BMPR1B: variants seen among roughly 807,000 people sequenced by gnomAD.
The protein encoded by BMPR1B is bone morphogenetic protein receptor type 1B, also known as bone morphogenetic protein receptor type-1B.
Under a neutral mutation model 59.1 loss-of-function variants are expected in BMPR1B, and 12 were observed. The observed-to-expected ratio is 0.20, with a 90% CI of 0.13 to 0.33. BMPR1B has a LOEUF of 0.33. Ranked by LOEUF, BMPR1B falls within the 10% of genes least tolerant of loss-of-function variation. BMPR1B has a pLI of 1.00. For synonymous variants in BMPR1B, 237 were observed against 207.3 expected, an observed-to-expected ratio of 1.14 and a Z score of -1.23; for missense variants, 550 against 610.9, an observed-to-expected ratio of 0.90 and a Z score of 1.05.
intron 1 of BMPR1B, among the ~76,000 whole-genome samples, chr4:94,859,107 G>T (rs567119215): frequency 2.0e-5 from 3 of 152,064 alleles, no homozygotes; most frequent in African/African-American, 7.2e-5. Context: ...TGCCTTTTTT[G>T]AAGAATTTGA....
chr4:95,098,161 G>A (rs985362870), intron 3 of BMPR1B, among the ~76,000 whole-genome samples: 2 of 151,894 alleles, frequency 1.3e-5, no homozygotes, highest in African/African-American at 4.8e-5. Flanking sequence ...CTTCATTATT[G>A]CTAATCCACT....
intron 3 of BMPR1B, among the ~76,000 whole-genome samples, chr4:95,035,166 T>C (rs750337740): frequency 2.6e-5 from 4 of 152,198 alleles, no homozygotes; most frequent in Non-Finnish European, 5.9e-5. Context: ...TTCATGTAGA[T>C]TCTGGATGTT....
chr4:95,004,782 T>C (rs1722706897), intron 3 of BMPR1B, among the ~76,000 whole-genome samples: 2 of 152,208 alleles, frequency 1.3e-5, no homozygotes, highest in South Asian at 2.1e-4. Flanking sequence ...TTTTGGCAAA[T>C]TGATCTTGAC....
intron 1 of BMPR1B, among the ~76,000 whole-genome samples, chr4:94,826,059 T>A (rs1451151550): frequency 1.3e-5 from 2 of 152,188 alleles, no homozygotes; most frequent in Non-Finnish European, 2.9e-5. Flanking sequence ...AATTTTAAAA[T>A]CATTTCCTCA....
chr4:95,007,917 ATTTAATATTAAGAAAATTT>A (rs1272419225), intron 3 of BMPR1B, among the ~76,000 whole-genome samples: 1 of 152,176 alleles, frequency 6.6e-6, no homozygotes, highest in Non-Finnish European at 1.5e-5. Flanking sequence ...TGAGAGTGTT[ATTTAATATTAAGAAAATTT>A]TATAAATTTA....
chr4:94,935,388 C>T lies in BMPR1B; in HGVS notation c.-113+59488C>T, dbSNP rs1021838346. Reference sequence around the variant, plus strand: ...GTGAACTTGGAAGCACTCATTAGACCACCAAATATGTGTTGTGCACATGCC... The same window carrying T: ...GTGAACTTGGAAGCACTCATTAGACTACCAAATATGTGTTGTGCACATGCC... On this transcript the variant is annotated intron_variant, in intron 2 of 12. Transcript: ENST00000515059. Among the ~76,000 whole-genome samples, 5 of 151,994 alleles carry T rather than the reference C, an allele frequency of 3.3e-5. No individual in the cohort carries two copies. The East Asian group carries it at 9.6e-4, about 29-fold the overall frequency.
At chr4:94,819,353 A>G (rs948511414) in intron 1 of BMPR1B, among the ~76,000 whole-genome samples, 1 of 152,198 alleles carries the variant, frequency 6.6e-6, no homozygotes, top group African/African-American at 2.4e-5. Flanking sequence ...GTGCTGTGAT[A>G]CCAATATAAG....
At chr4:95,147,115 G>T (rs541727064) in intron 10 of BMPR1B, among the ~76,000 whole-genome samples, 4 of 151,800 alleles carry the variant, frequency 2.6e-5, no homozygotes, top group African/African-American at 4.8e-5. Context: ...TTTTATTTAA[G>T]AAAACAGGCT....
intron 2 of BMPR1B, among the ~76,000 whole-genome samples, chr4:94,965,307 C>T (rs377093451): frequency 1.3e-5 from 2 of 152,158 alleles, no homozygotes; most frequent in African/African-American, 4.8e-5. Flanking sequence ...CTACAGAGTT[C>T]TCATCTCATA....
intron 1 of BMPR1B, among the ~76,000 whole-genome samples, chr4:94,791,231 C>T (rs1185123514): frequency 6.6e-6 from 1 of 152,146 alleles, no homozygotes; most frequent in Non-Finnish European, 1.5e-5. Context: ...TCAAGTGATC[C>T]ACCTGCCTTG....
At chr4:94,816,197 A>C (rs191839710) in intron 1 of BMPR1B, among the ~76,000 whole-genome samples, 2 of 152,164 alleles carry the variant, frequency 1.3e-5, no homozygotes, top group Non-Finnish European at 2.9e-5. Flanking sequence ...ACTAGGCTGG[A>C]GTGCAGTGGC....
chr4:94,859,131 C>G (rs529467460), intron 1 of BMPR1B, among the ~76,000 whole-genome samples: 1 of 152,212 alleles, frequency 6.6e-6, no homozygotes, highest in East Asian at 1.9e-4. Flanking sequence ...GTTGTCCCAT[C>G]AGACTGTCTA....
intron 2 of BMPR1B, among the ~76,000 whole-genome samples, chr4:94,907,848 T>A (rs1269457217): frequency 6.6e-6 from 1 of 150,798 alleles, no homozygotes; most frequent in Non-Finnish European, 1.5e-5. Flanking sequence ...AGTAGTAAAA[T>A]GAATATGAAT....
rs556380960 is a variant in BMPR1B, at chr4:94,872,334, C to T, written c.-182-3497C>T. On this transcript the variant is annotated intron_variant, in intron 1 of 12. Coordinates refer to ENST00000515059, the MANE Select transcript of BMPR1B (RefSeq NM_001203.3). ...AAACTGGTTTTAAATACCCTCTAAA[C>T]ATATAAAAATATTTTCAAAGTCACT... Among the ~76,000 whole-genome samples the T allele has an allele frequency of 2.0e-5, 3 of 152,252 alleles. No individual in the cohort carries two copies. In the South Asian group the frequency reaches 6.2e-4, roughly 32 times the overall value.
At chr4:95,019,289 G>C (rs1296488979) in intron 3 of BMPR1B, among the ~76,000 whole-genome samples, 1 of 152,178 alleles carries the variant, frequency 6.6e-6, no homozygotes, top group Admixed American at 6.5e-5. Context: ...TTAAATAGGG[G>C]CATTTAATTT....
chr4:94,995,404 T>A (rs1227606243), intron 2 of BMPR1B, among the ~76,000 whole-genome samples: 1 of 152,180 alleles, frequency 6.6e-6, no homozygotes, highest in Non-Finnish European at 1.5e-5. Flanking sequence ...TTGTGACCAA[T>A]TACTTAGTCA....
At chr4:95,059,099 G>GA (rs1313981921) in intron 3 of BMPR1B, among the ~76,000 whole-genome samples, 5 of 152,090 alleles carry the variant, frequency 3.3e-5, no homozygotes, top group Non-Finnish European at 4.4e-5. Context: ...CTCTTTGGGG[G>GA]AATAGTTGAG....
intron 6 of BMPR1B, among the ~76,000 whole-genome samples, chr4:95,123,395 G>GT (rs1303658932): frequency 6.6e-6 from 1 of 151,964 alleles, no homozygotes; most frequent in East Asian, 1.9e-4. Context: ...TTATATAGAT[G>GT]CTTTTTTATT....
chr4:94,805,189 G>A (rs1322356737), intron 1 of BMPR1B, among the ~76,000 whole-genome samples: 11 of 152,146 alleles, frequency 7.2e-5, no homozygotes, highest in Admixed American at 3.3e-4. Flanking sequence ...AGCAGAGGAG[G>A]CCAGAGAAGT....
Sources: allele counts gnomAD v4.1 joint callset (sites outside exome capture counted in the v4.1 genomes callset), GRCh38; gene constraint gnomAD v4.1.1; transcripts MANE v1.5; gene names NCBI Gene and HGNC (gene_info 2026-07-23, HGNC 2026-07-21).